Variants in RNF213 observed in about 807,000 individuals in gnomAD.
RNF213 encodes ring finger protein 213, also known as E3 ubiquitin-protein ligase RNF213.
Under a neutral mutation model 514.4 loss-of-function variants are expected in RNF213, and 341 were observed. That is an observed-to-expected ratio of 0.66 (90% confidence interval 0.61 to 0.73). The LOEUF is 0.73. Among genes scored for constraint, RNF213 ranks in the 30% least tolerant of loss-of-function variants. RNF213 has a pLI of 0.00. For missense variants in RNF213, 5,767 were observed against 6,615.6 expected (o/e 0.87, Z 4.45); for synonymous variants, 2,655 against 2,658.2 (o/e 1.00, Z 0.04).
chr17:80,376,003 G>A, intron 51 of RNF213, 133 bp downstream of exon 51: 2 of 795,658 alleles, frequency 2.5e-6, no homozygotes, highest in Admixed American at 2.0e-5. Flanking sequence ...ACCTTGTTAT[G>A]TGGAGGAACA....
chr17:80,282,744 T>C (rs1598914183), intron 3 of RNF213, among the ~76,000 whole-genome samples: 1 of 151,278 alleles, frequency 6.6e-6, no homozygotes, highest in South Asian at 2.1e-4. Flanking sequence ...TCTCCCAGGC[T>C]GGAGTGCAGT....
chr17:80,373,018 G>A lies in RNF213; in HGVS notation c.12795G>A (p.Gln4265=). Residue 4265 remains glutamine, a synonymous_variant, in exon 49 of 68, where the codon CAG becomes CAA. Transcript: ENST00000582970. Reference sequence around the variant, plus strand: ...AGTGCTACCTGCAGCAAGTCAAGCAGTTCTGTATCCGGGTGGAGAACGACT... The same window carrying A: ...AGTGCTACCTGCAGCAAGTCAAGCAATTCTGTATCCGGGTGGAGAACGACT... ...EKQCYLQQVK[Q]FCIRVENDWH... is the part of the protein sequence containing the mutation. 2 of 1,614,058 alleles carry A rather than the reference G, an allele frequency of 1.2e-6. No homozygotes were observed. Among genetic ancestry groups the A allele is most frequent in the Non-Finnish European group, 1.7e-6 (2 of 1,180,002 alleles).
rs899469279 is a variant in RNF213, at chr17:80,328,009, G to A, written c.3367+20G>A. On this transcript the variant is annotated intron_variant, in intron 19 of 67. Transcript: ENST00000582970. ...AACTGAGTAAGCATCGAGTCGATACGCACTTCAGGCTCCTGAGGCATTAAG... is the reference window on the plus strand; with the variant it reads ...AACTGAGTAAGCATCGAGTCGATACACACTTCAGGCTCCTGAGGCATTAAG... The A allele has an allele frequency of 7.2e-6, 11 of 1,536,764 alleles. No individual in the cohort carries two copies. The African/African-American group carries it at 8.2e-5, about 11-fold the overall frequency.
intron 6 of RNF213, 71 bp from the exon 7 acceptor site, chr17:80,290,499 G>GTGTGTGTGTGCACGTGTGTGTGCGCA (rs2044679464): frequency 1.9e-6 from 3 of 1,575,826 alleles, no homozygotes; most frequent in African/African-American, 2.7e-5. Context: ...GTGTGTGTGC[G>GTGTGTGTGTGCACGTGTGTGTGCGCA]CGTGTGTGCA....
At chr17:80,376,256 C>G in intron 51 of RNF213, 45 bp from the exon 52 acceptor site, 1 of 1,609,724 alleles carries the variant, frequency 6.2e-7, no homozygotes, top group African/African-American at 1.3e-5. Context: ...GCAATTCACA[C>G]AATATTCTTT....
chr17:80,344,121 C>G, intron 28 of RNF213, 106 bp downstream of exon 28: 2 of 1,188,816 alleles, frequency 1.7e-6, no homozygotes, highest in Non-Finnish European at 1.2e-6. Flanking sequence ...CTTTGCCTTA[C>G]TTAGTGCAGC....
chr17:80,387,576 C>T (rs938009384), intron 63 of RNF213, among the ~76,000 whole-genome samples: 1 of 152,238 alleles, frequency 6.6e-6, no homozygotes, highest in African/African-American at 2.4e-5. Flanking sequence ...GTACGTTGGA[C>T]TGCTAGCCAC....
At chr17:80,376,588 C>T (rs551926468) in intron 52 of RNF213, 45 bp downstream of exon 52, 4 of 1,612,826 alleles carry the variant, frequency 2.5e-6, no homozygotes, top group Non-Finnish European at 3.4e-6. Flanking sequence ...GGAACACCCC[C>T]CAGAGCTTGT....
chr17:80,389,253 C>T lies in RNF213; in HGVS notation c.15081C>T (p.Val5027=), dbSNP rs755452362. The part of the protein sequence containing the change: ...SYSDACEVLS[V]VEVTLGFLST... Reference sequence around the variant, plus strand: ...GCGATGCCTGTGAAGTGCTGTCTGTCGTAGAAGTCACTCTGGGGTTTCTGA... The same window carrying T: ...GCGATGCCTGTGAAGTGCTGTCTGTTGTAGAAGTCACTCTGGGGTTTCTGA... The change falls in exon 65 of 68, where the codon GTC becomes GTT. Residue 5027 remains valine, a synonymous_variant. Transcript: ENST00000582970. The T allele has an allele frequency of 3.0e-5, 49 of 1,614,202 alleles. 1 individual carries two copies. The South Asian group carries it at 3.2e-4, about 10-fold the overall frequency.
At chr17:80,355,272 C>T (rs550702559) in intron 36 of RNF213, 2 of 449,372 alleles carry the variant, frequency 4.5e-6, no homozygotes, top group South Asian at 3.1e-5. Context: ...CGCTTTGGGC[C>T]TACAGCCAGG....
chr17:80,357,373 G>A (rs567840884), intron 36 of RNF213, among the ~76,000 whole-genome samples: 84 of 152,066 alleles, frequency 5.5e-4, no homozygotes, highest in Non-Finnish European at 1.1e-3. Context: ...CCCTCCGCCT[G>A]CCTGTCCATC....
At chr17:80,281,501 T>TCACACACACCCAACA (rs1568006494) in intron 3 of RNF213, among the ~76,000 whole-genome samples, 4 of 54,848 alleles carry the variant, frequency 7.3e-5, no homozygotes, top group African/African-American at 7.9e-5. Context: ...TACACCCCAC[T>TCACACACACCCAACA]CACACACACA....
intron 47 of RNF213, 42 bp from the exon 48 acceptor site, chr17:80,372,479 A>G (rs1307917766): frequency 1.4e-6 from 2 of 1,480,210 alleles, no homozygotes; most frequent in African/African-American, 2.8e-5. Flanking sequence ...ATCCATGTTT[A>G]AAAAAATAAT....
chr17:80,364,305 C>T lies in RNF213; in HGVS notation c.11751-128C>T, dbSNP rs1022756991. The T allele has an allele frequency of 2.7e-5, 35 of 1,307,662 alleles. No individual in the cohort carries two copies. In the African/African-American group the frequency reaches 4.8e-4, roughly 18 times the overall value. 81.0% of individuals were successfully genotyped at this position (1,307,662 alleles called of 1,614,324 possible). A position where few individuals can be genotyped will look rare whatever the true frequency, so the allele number is the denominator to read the frequency against. On this transcript the variant is annotated intron_variant, in intron 41 of 67. Coordinates refer to ENST00000582970, the MANE Select transcript of RNF213 (RefSeq NM_001256071.3). ...CAGGAAGTATGTCACATAGGGCTTG[C>T]TTGTAATCCCAGCCGCTGGGCCTGG...
intron 36 of RNF213, among the ~76,000 whole-genome samples, chr17:80,356,542 G>T (rs1184065189): frequency 1.3e-5 from 2 of 152,224 alleles, no homozygotes; most frequent in African/African-American, 2.4e-5. Context: ...TGTGTTCTGG[G>T]GACTGGAGTC....
chr17:80,310,412 C>T (rs2045528168), intron 14 of RNF213, among the ~76,000 whole-genome samples: 1 of 151,646 alleles, frequency 6.6e-6, no homozygotes, highest in Non-Finnish European at 1.5e-5. Context: ...ACCACCACAC[C>T]CAGCTAATTT....
chr17:80,262,909 T>C (rs968759142), intron 1 of RNF213, among the ~76,000 whole-genome samples: 5 of 151,796 alleles, frequency 3.3e-5, no homozygotes, highest in Admixed American at 6.6e-5. Flanking sequence ...CCCAGTGGAG[T>C]TCTTTGGTTC....
Position 80,353,430 on chromosome 17 carries a change from A to G in RNF213, c.10424-82A>G, listed in dbSNP as rs1381732180. On this transcript the variant is annotated intron_variant, in intron 33 of 67. Coordinates refer to ENST00000582970, the MANE Select transcript of RNF213 (RefSeq NM_001256071.3). This position sits in a 1 kb window ranked among gnomAD's most constrained non-coding sequence, Gnocchi z 5.0. ...GGAAGCCTGCACTCGGAGGCTGAGC[A>G]CACAGACTCCCAGATGGCACCGCTG... 2 of 1,471,710 alleles carry G rather than the reference A, an allele frequency of 1.4e-6. No homozygotes were observed. The highest frequency in any genetic ancestry group is 2.5e-5 in the East Asian group (1 of 40,716). 91.2% of individuals were successfully genotyped at this position (1,471,710 alleles called of 1,614,324 possible).
chr17:80,333,986 A>T, intron 21 of RNF213, 119 bp from the exon 22 acceptor site: 1 of 1,122,444 alleles, frequency 8.9e-7, no homozygotes, highest in Non-Finnish European at 1.3e-6. Flanking sequence ...TTGTCACAGC[A>T]GTGGCAAATC....
Sources: allele counts gnomAD v4.1 joint callset (sites outside exome capture counted in the v4.1 genomes callset), GRCh38; gene constraint gnomAD v4.1.1; non-coding constraint Gnocchi (gnomAD v3.1); transcripts MANE v1.5; gene names NCBI Gene and HGNC (gene_info 2026-07-23, HGNC 2026-07-21).